The following EPHA7 variants were observed in gnomAD, a reference collection of about 807,000 sequenced individuals.
EPHA7 encodes the protein EPH receptor A7.
Under a neutral mutation model 112.6 loss-of-function variants are expected in EPHA7, and 25 were observed. That is an observed-to-expected ratio of 0.22 (90% confidence interval 0.16 to 0.31). The LOEUF (loss-of-function observed/expected upper bound fraction) is 0.31, where lower values mean the gene tolerates loss of function less well. Ranked by LOEUF, EPHA7 falls within the 10% of genes least tolerant of loss-of-function variation. EPHA7 has a pLI of 1.00. For missense variants in EPHA7, 962 were observed against 1,212.6 expected (o/e 0.79, Z 3.07); for synonymous variants, 437 against 406.5 (o/e 1.07, Z -0.90).
chr6:93,256,152 A>ATTT, intron 12 of EPHA7, 115 bp from the exon 13 acceptor site: 1 of 828,552 alleles, frequency 1.2e-6, no homozygotes, highest in East Asian at 2.7e-5. Flanking sequence ...GGAATTGTTA[A>ATTT]TTTTTTATAT....
intron 14 of EPHA7, among the ~76,000 whole-genome samples, chr6:93,254,186 T>C (rs1770336026): frequency 1.3e-5 from 2 of 152,074 alleles, no homozygotes; most frequent in South Asian, 4.1e-4. Flanking sequence ...ATCTAGATTG[T>C]CCCATGAAAC....
intron 3 of EPHA7, among the ~76,000 whole-genome samples, chr6:93,366,750 G>A (rs1032676335): frequency 9.2e-5 from 14 of 152,070 alleles, no homozygotes; most frequent in Non-Finnish European, 1.0e-4. Context: ...CTGTGTTTCC[G>A]AAGATGTGCA....
rs533180295 is a variant in EPHA7, at chr6:93,418,762, C to T, written c.97+483G>A. The stretch of plus-strand genomic sequence containing the variant: ...CGAGCTCATCGAAGTCTCGGTCCCT[C>T]TGGGAAGGCTCCGGGCTCCCGCCAC... On this transcript the variant is annotated intron_variant, in intron 1 of 16. Transcript: ENST00000369303. Among the ~76,000 whole-genome samples the T allele has an allele frequency of 3.0e-4, 45 of 152,300 alleles. 1 individual carries two copies. In the South Asian group the frequency reaches 8.9e-3, roughly 30 times the overall value.
At chr6:93,361,005 T>C (rs982705287) in intron 3 of EPHA7, among the ~76,000 whole-genome samples, 5 of 152,088 alleles carry the variant, frequency 3.3e-5, no homozygotes, top group Non-Finnish European at 7.4e-5. Context: ...TTTTTACTAA[T>C]TGAAAGCTAT....
At chr6:93,336,245 G>A (rs1367629727) in intron 5 of EPHA7, among the ~76,000 whole-genome samples, 1 of 152,130 alleles carries the variant, frequency 6.6e-6, no homozygotes, top group Non-Finnish European at 1.5e-5. Context: ...TCTTCAATGA[G>A]TTTAGCATCA....
At chr6:93,336,645 C>T (rs1411492972) in intron 5 of EPHA7, among the ~76,000 whole-genome samples, 1 of 151,992 alleles carries the variant, frequency 6.6e-6, no homozygotes, top group Non-Finnish European at 1.5e-5. Context: ...TTGTGATCTG[C>T]CCGCCTTGGC....
intron 3 of EPHA7, among the ~76,000 whole-genome samples, chr6:93,359,854 T>G (rs1047380728): frequency 1.0e-4 from 13 of 125,308 alleles, no homozygotes; most frequent in African/African-American, 2.3e-4. Flanking sequence ...CAATAGATGA[T>G]AGAGAGAGAG....
Position 93,419,441 on chromosome 6 carries a change from G to T in EPHA7, c.-100C>A. 2.2e-6 allele frequency: 2 copies of T among 907,592 alleles called. No homozygotes were observed. Among genetic ancestry groups the T allele is most frequent in the Non-Finnish European group, 1.7e-6 (1 of 591,776 alleles). The allele number at this position is 907,592 out of a possible 1,614,324, so 56.2% of individuals were successfully genotyped here. The stretch of plus-strand genomic sequence containing the variant: ...TAGCTTTTGTTTTATTGTGCTCCTT[G>T]CATCGATTCCCCTTCTCGGTCCCCG... On this transcript the variant is annotated 5_prime_UTR_variant, in exon 1 of 17. Coordinates refer to ENST00000369303, the MANE Select transcript of EPHA7 (RefSeq NM_004440.4).
At chr6:93,393,439 C>T (rs1299279536) in intron 3 of EPHA7, among the ~76,000 whole-genome samples, 1 of 151,548 alleles carries the variant, frequency 6.6e-6, no homozygotes, top group East Asian at 1.9e-4. Context: ...AAGTTTCCAT[C>T]CAAAAAAAAC....
intron 7 of EPHA7, among the ~76,000 whole-genome samples, chr6:93,268,561 A>AT (rs1345197383): frequency 2.6e-5 from 4 of 151,766 alleles, no homozygotes; most frequent in Non-Finnish European, 1.5e-5. Context: ...AGGAGAAGAG[A>AT]TAACACCTGG....
chr6:93,387,987 G>A (rs1176243352), intron 3 of EPHA7, among the ~76,000 whole-genome samples: 3 of 151,818 alleles, frequency 2.0e-5, no homozygotes, highest in Non-Finnish European at 4.4e-5. Flanking sequence ...AGAATAGATA[G>A]ATAGACACAG....
rs146748270 is a variant in EPHA7 at position 93,244,256 on chromosome 6, T to C, written c.2883-716A>G. Among the ~76,000 whole-genome samples the C allele has an allele frequency of 3.9e-3, 601 of 152,198 alleles. 4 individuals are homozygous for C. Among genetic ancestry groups the C allele is most frequent in the African/African-American group, 0.014 (571 of 41,540 alleles). ...TTTTCATGGCAGTGACTGAGAAACA[T>C]GGGTTTTCAGGGGTACAGATTGCTT... On this transcript the variant is annotated intron_variant, in intron 16 of 16. Transcript: ENST00000369303.
chr6:93,246,996 A>G lies in EPHA7; in HGVS notation c.2533-11T>C, dbSNP rs766527264. On this transcript the variant is annotated splice_polypyrimidine_tract_variant and intron_variant, in intron 14 of 16. Transcript: ENST00000369303. Reference sequence around the variant, plus strand: ...TATTGCTTTTATAACCTAATAGCCAAAAGGACATTACAAATATTACTGATT... The same window carrying G: ...TATTGCTTTTATAACCTAATAGCCAGAAGGACATTACAAATATTACTGATT... 1.9e-6 allele frequency: 3 copies of G among 1,552,700 alleles called. No homozygotes were observed. The Admixed American group carries it at 5.3e-5, about 27-fold the overall frequency.
At chr6:93,307,178 A>T (rs1481198155) in intron 5 of EPHA7, among the ~76,000 whole-genome samples, 4 of 151,982 alleles carry the variant, frequency 2.6e-5, no homozygotes, top group Non-Finnish European at 4.4e-5. Flanking sequence ...CATCAACCAA[A>T]TGTTAGATAT....
chr6:93,242,265 T>A lies in EPHA7; in HGVS notation c.*1161A>T, dbSNP rs548782900. 109 of 201,762 alleles carry A rather than the reference T, an allele frequency of 5.4e-4. No individual in the cohort carries two copies. Among genetic ancestry groups the A allele is most frequent in the Non-Finnish European group, 9.5e-4 (93 of 97,646 alleles). The allele number at this position is 201,762 out of a possible 1,614,324, so 12.5% of individuals were successfully genotyped here. On this transcript the variant is annotated 3_prime_UTR_variant, in exon 17 of 17. Transcript: ENST00000369303. ...CACAAACAAAAGACTTTTTGTTTTG[T>A]TTTGTTTTGAACTGCAATGGTGATA... is the stretch of plus-strand genomic sequence containing the variant.
chr6:93,362,585 C>A (rs1454045744), intron 3 of EPHA7, among the ~76,000 whole-genome samples: 1 of 152,070 alleles, frequency 6.6e-6, no homozygotes, highest in East Asian at 1.9e-4. Flanking sequence ...TTAAATTCTC[C>A]TAACAATCAC....
At chr6:93,274,158 A>C (rs146314834) in intron 5 of EPHA7, among the ~76,000 whole-genome samples, 142 of 152,018 alleles carry the variant, frequency 9.3e-4, no homozygotes, top group African/African-American at 3.3e-3. Flanking sequence ...TCGTATGTGT[A>C]AATCTCTAGG....
At chr6:93,264,558 T>G in intron 8 of EPHA7, 36 bp downstream of exon 8, 4 of 1,346,006 alleles carry the variant, frequency 3.0e-6, no homozygotes, top group Non-Finnish European at 4.2e-6. Flanking sequence ...AAACAATACA[T>G]TTTATGTTAG....
intron 5 of EPHA7, among the ~76,000 whole-genome samples, chr6:93,345,006 C>T (rs981567555): frequency 2.0e-5 from 3 of 151,566 alleles, no homozygotes; most frequent in Non-Finnish European, 4.4e-5. Context: ...CATTCGAATG[C>T]CCATTCTCTT....
Sources: gnomAD v4.1 joint callset for allele counts (sites outside exome capture counted in the v4.1 genomes callset) on GRCh38, gnomAD v4.1.1 for gene constraint, MANE v1.5 for transcripts, NCBI Gene and HGNC (gene_info 2026-07-23, HGNC 2026-07-21) for gene names.